Variants in FAHD1 observed in about 807,000 individuals in gnomAD.
The protein encoded by FAHD1 is FAH domain containing oxaloacetate decarboxylase 1.
Under a neutral mutation model 12.7 loss-of-function variants are expected in FAHD1, and 14 were observed. That is an observed-to-expected ratio of 1.10 (90% CI 0.73 to 1.72). The LOEUF is 1.72. Among genes scored for constraint, FAHD1 ranks in the 40% most tolerant of loss-of-function variants. FAHD1 has a pLI of 0.00. For synonymous variants in FAHD1, 153 were observed against 124.9 expected (o/e 1.22, Z -1.50); for missense variants, 351 against 298.9 (o/e 1.17, Z -1.29).
downstream of FAHD1, chr16:1,828,933 T>C: frequency 1.0e-6 from 1 of 999,720 alleles, no homozygotes; most frequent in East Asian, 1.1e-4. Flanking sequence ...GGTAATTTTT[T>C]TCCCCCCAGT....
At chr16:1,830,164 T>C (rs1898595775), downstream of FAHD1, among the ~76,000 whole-genome samples, 1 of 152,220 alleles carries the variant, frequency 6.6e-6, no homozygotes, top group African/African-American at 2.4e-5. Context: ...TGCCCAGCTA[T>C]ACCATACAAT....
At chr16:1,827,206 C>G (rs761280959) in exon 1 of FAHD1, 21 of 1,579,896 alleles carry the variant, frequency 1.3e-5, no homozygotes, top group Non-Finnish European at 1.8e-5. Context: ...ACCGGCCCAG[C>G]CCACGTGACT....
exon 3 of FAHD1, chr16:1,840,027 T>C (rs939781159): frequency 2.0e-5 from 3 of 152,198 alleles, no homozygotes; most frequent in African/African-American, 7.2e-5. Flanking sequence ...TGATTTATGC[T>C]ATTCCATATT....
chr16:1,828,539 A>G (rs980856959), exon 1 of FAHD1: 46 of 1,000,170 alleles, frequency 4.6e-5, no homozygotes, highest in Non-Finnish European at 5.2e-5. Flanking sequence ...AAAACTGCAG[A>G]GAAAACTGAA....
At chr16:1,836,975 G>GC (rs1200188569) in intron 1 of FAHD1, among the ~76,000 whole-genome samples, 3 of 152,172 alleles carry the variant, frequency 2.0e-5, no homozygotes, top group Non-Finnish European at 4.4e-5. Context: ...ATGAAGTGAA[G>GC]CAACTAGGCT....
chr16:1,839,727 C>A, exon 3 of FAHD1: 1 of 318,808 alleles, frequency 3.1e-6, no homozygotes, highest in Non-Finnish European at 5.8e-6. Context: ...CTTGCTGGGG[C>A]CCTCCCTTCT....
intron 1 of FAHD1, among the ~76,000 whole-genome samples, chr16:1,835,862 CT>C (rs34146401): frequency 0.22 from 30,743 of 142,428 alleles, 2,804 homozygotes; most frequent in South Asian, 0.35. Flanking sequence ...ATTCCTTTTT[CT>C]TTTTTTTTTT....
chr16:1,834,371 G>A lies in FAHD1; in HGVS notation c.628-3645G>A, dbSNP rs188233779. On this transcript the variant is annotated intron_variant, in intron 1 of 2. Coordinates refer to the FAHD1 transcript ENST00000382666. ...TGCTCTGTGTGATAGAACGAACTGC[G>A]AGGAGAAACAGAAAAAGAGACAAAA... 6,973 of 1,484,288 alleles carry A rather than the reference G, an allele frequency of 4.7e-3. 30 individuals carry two copies. The highest frequency in any genetic ancestry group is 5.4e-3 in the South Asian group (452 of 84,360). 91.9% of individuals were successfully genotyped at this position (1,484,288 alleles called of 1,614,324 possible). A position where few individuals can be genotyped will look rare whatever the true frequency, so the allele number is the denominator to read the frequency against.
downstream of FAHD1, among the ~76,000 whole-genome samples, chr16:1,829,868 C>CTTTTTTTTTTTTTTTTTTTTT (rs140341882): frequency 6.7e-6 from 1 of 149,734 alleles, no homozygotes; most frequent in Non-Finnish European, 1.5e-5. Context: ...TTCTTTCTTT[C>CTTTTTTTTTTTTTTTTTTTTT]TTTTTTCTTT....
chr16:1,828,373 G>GA, exon 1 of FAHD1: 1 of 1,001,814 alleles, frequency 1.0e-6, no homozygotes. Flanking sequence ...ACGTGAAGTA[G>GA]AACGGGTGGG....
exon 1 of FAHD1, chr16:1,827,936 G>A: frequency 3.8e-6 from 6 of 1,599,348 alleles, no homozygotes; most frequent in Non-Finnish European, 5.1e-6. Context: ...AGAGAGAAGG[G>A]AGCAAGACAA....
chr16:1,837,489 T>C (rs59746463), intron 1 of FAHD1, among the ~76,000 whole-genome samples: 27,039 of 152,048 alleles, frequency 0.18, 2,567 homozygotes, highest in South Asian at 0.27. Context: ...TACAGGTGTG[T>C]ACTATTGCAC....
chr16:1,829,888 C>T (rs1038819845), downstream of FAHD1, among the ~76,000 whole-genome samples: 2 of 144,630 alleles, frequency 1.4e-5, no homozygotes, highest in African/African-American at 2.5e-5. Flanking sequence ...TTTGAGATGG[C>T]GTTTAACTCT....
At chr16:1,832,886 T>C (rs948133188), downstream of FAHD1, among the ~76,000 whole-genome samples, 3 of 152,210 alleles carry the variant, frequency 2.0e-5, no homozygotes, top group African/African-American at 7.2e-5. Context: ...CATTACCTTA[T>C]CACCACAATT....
At position 1,834,220 on chromosome 16, in the gene FAHD1, CTT is replaced by C. The variant is rs758640569; in HGVS notation, c.628-3795_628-3794del. Reference sequence around the variant, plus strand: ...TTCCATTTTAAAGGGAGTTAAAACTCTTATACTTTTCCAGAGTTCAAAATGAT... The same window carrying C: ...TTCCATTTTAAAGGGAGTTAAAACTCATACTTTTCCAGAGTTCAAAATGAT... On this transcript the variant is annotated intron_variant, in intron 1 of 2. Coordinates refer to the FAHD1 transcript ENST00000382666. 29 of 1,149,866 alleles carry C rather than the reference CTT, an allele frequency of 2.5e-5. No homozygotes were observed. The African/African-American group carries it at 3.7e-4, about 15-fold the overall frequency. 71.2% of individuals were successfully genotyped at this position (1,149,866 alleles called of 1,614,324 possible). A position where few individuals can be genotyped will look rare whatever the true frequency, so the allele number is the denominator to read the frequency against.
rs1315538134 is a variant in FAHD1, at chr16:1,827,469, G to C, written c.231G>C (p.Lys77Asn). Residue 77 changes from lysine (K) to asparagine (N), a missense_variant, in exon 1 of 1, where the codon AAG becomes AAC. By Grantham distance (94) the Lys-to-Asn change is moderately conservative. Coordinates refer to ENST00000427358, the Ensembl canonical transcript of FAHD1. ...TGGAGCTGGGCGTGGTGATGGGCAA[G>C]CGCTGCCGCGCAGTCCCCGAGGCTG... The C allele has an allele frequency of 1.2e-6, 2 of 1,611,374 alleles. No individual in the cohort carries two copies. Among genetic ancestry groups the C allele is most frequent in the African/African-American group, 1.3e-5 (1 of 74,924 alleles).
At chr16:1,827,240 T>C (rs768476314) in exon 1 of FAHD1, 4 of 1,602,700 alleles carry the variant, frequency 2.5e-6, no homozygotes, top group Non-Finnish European at 3.4e-6. Flanking sequence ...ATGGGAATCA[T>C]GGCAGCATCC....
At chr16:1,838,840 C>T (rs899610206) in intron 2 of FAHD1, among the ~76,000 whole-genome samples, 4 of 152,108 alleles carry the variant, frequency 2.6e-5, no homozygotes, top group African/African-American at 7.2e-5. Flanking sequence ...TACAAGTGCA[C>T]GTCACCACAC....
At chr16:1,832,193 T>TTTTTTTTTG (rs1898633430), downstream of FAHD1, among the ~76,000 whole-genome samples, 2 of 76,372 alleles carry the variant, frequency 2.6e-5, no homozygotes, top group African/African-American at 4.6e-5. Flanking sequence ...TTTTTTTTTT[T>TTTTTTTTTG]GAGACAAAGT....
Sources: allele counts gnomAD v4.1 joint callset (sites outside exome capture counted in the v4.1 genomes callset), GRCh38; gene constraint gnomAD v4.1.1; transcripts MANE v1.5; gene names NCBI Gene and HGNC (gene_info 2026-07-23, HGNC 2026-07-21).